ARMH3: variants seen among roughly 807,000 people sequenced by gnomAD.
ARMH3 encodes armadillo-like helical domain-containing protein 3.
In ARMH3, 60 loss-of-function variants were observed where a neutral mutation model predicts 99.1. That is an observed-to-expected ratio of 0.61 (90% confidence interval 0.49 to 0.75). The LOEUF (loss-of-function observed/expected upper bound fraction) is 0.75, where lower values mean the gene tolerates loss of function less well. ARMH3 is among the 30% of genes least tolerant of loss of function. The pLI, the probability that ARMH3 is intolerant of heterozygous loss-of-function variation, is 0.00. For missense variants in ARMH3, 679 were observed against 843.1 expected, an observed-to-expected ratio of 0.81 and a Z score of 2.41; for synonymous variants, 285 against 292.8, an observed-to-expected ratio of 0.97 and a Z score of 0.27.
intron 11 of ARMH3, among the ~76,000 whole-genome samples, chr10:102,010,250 G>A (rs564116178): frequency 6.6e-6 from 1 of 152,150 alleles, no homozygotes; most frequent in Middle Eastern, 3.2e-3. Flanking sequence ...ATCTTGCCTA[G>A]TAAATCATCT....
intron 23 of ARMH3, among the ~76,000 whole-genome samples, chr10:101,906,675 T>A (rs927090778): frequency 2.0e-5 from 3 of 152,120 alleles, no homozygotes; most frequent in African/African-American, 7.2e-5. Context: ...ATTGGGAAGG[T>A]AAACATAGGA....
intron 4 of ARMH3, among the ~76,000 whole-genome samples, chr10:102,032,537 A>G (rs1290486778): frequency 6.6e-6 from 1 of 152,022 alleles, no homozygotes; most frequent in Non-Finnish European, 1.5e-5. Flanking sequence ...AGTAGATGGG[A>G]TTACAGGTGC....
At chr10:101,986,539 A>AT (rs1218793629) in intron 19 of ARMH3, among the ~76,000 whole-genome samples, 1 of 151,740 alleles carries the variant, frequency 6.6e-6, no homozygotes, top group African/African-American at 2.4e-5. Flanking sequence ...TCTGACCCAG[A>AT]TTCTGGCTTT....
intron 19 of ARMH3, among the ~76,000 whole-genome samples, chr10:101,981,812 A>AT (rs1437036495): frequency 4.6e-5 from 7 of 151,370 alleles, no homozygotes; most frequent in African/African-American, 1.7e-4. Flanking sequence ...AGGTCAGGAG[A>AT]TTGAGACCAT....
intron 19 of ARMH3, among the ~76,000 whole-genome samples, chr10:101,976,931 G>A (rs895861293): frequency 6.6e-6 from 1 of 152,072 alleles, no homozygotes; most frequent in Admixed American, 6.5e-5. Context: ...GGGATTACAG[G>A]CACGAGCCAC....
chr10:102,016,184 AT>A (rs942793293), intron 8 of ARMH3, among the ~76,000 whole-genome samples: 11 of 151,724 alleles, frequency 7.3e-5, no homozygotes, highest in Non-Finnish European at 4.4e-5. Context: ...AGGATTTTGG[AT>A]TTTTTTTTAA....
chr10:101,876,283 T>C (rs1201052646), intron 24 of ARMH3, among the ~76,000 whole-genome samples: 1 of 150,448 alleles, frequency 6.6e-6, no homozygotes, highest in East Asian at 1.9e-4. Context: ...TTATTTTCTA[T>C]GGCTTGTTGC....
At position 101,975,277 on chromosome 10, in the gene ARMH3, T is replaced by C; in HGVS notation, c.1430A>G (p.Lys477Arg). The C allele has an allele frequency of 6.2e-7, 1 of 1,612,620 alleles. No homozygotes were observed. Among genetic ancestry groups the C allele is most frequent in the Non-Finnish European group, 8.5e-7 (1 of 1,179,086 alleles). The change falls in exon 20 of 26, where the codon AAA becomes AGA. Residue 477 changes from lysine (K) to arginine (R), a missense_variant. Around this residue, in one of 3 missense-constraint regions of ARMH3, gnomAD observed 389 missense variants for 456.5 expected, o/e 0.85. Transcript: ENST00000370033. The stretch of plus-strand genomic sequence containing the variant: ...ACACTTCTTCTGGTAGCAGAGCAGT[T>C]TGTGTACTACCTGGATGCAGCGTCT... The part of the protein sequence containing the change: ...LYIRCIQVVH[K>R]LLCYQKKCRV...
At chr10:101,871,377 T>C (rs1221022475) in intron 24 of ARMH3, among the ~76,000 whole-genome samples, 1 of 151,798 alleles carries the variant, frequency 6.6e-6, no homozygotes, top group Non-Finnish European at 1.5e-5. Context: ...CAAAAACATT[T>C]AAAAAAAACA....
At chr10:101,949,280 A>G (rs1245829056) in intron 22 of ARMH3, among the ~76,000 whole-genome samples, 1 of 152,022 alleles carries the variant, frequency 6.6e-6, no homozygotes, top group Non-Finnish European at 1.5e-5. Context: ...AAAAAAATCA[A>G]TGAAACCAAA....
intron 24 of ARMH3, 70 bp from the exon 25 acceptor site, chr10:101,849,962 G>C: frequency 2.1e-6 from 3 of 1,398,360 alleles, no homozygotes; most frequent in Non-Finnish European, 3.0e-6. Flanking sequence ...CCATTCTGCT[G>C]ATCTACTGGG....
At chr10:102,015,887 G>C in intron 8 of ARMH3, among the ~76,000 whole-genome samples, 1 of 152,136 alleles carries the variant, frequency 6.6e-6, no homozygotes, top group Non-Finnish European at 1.5e-5. Context: ...TAATCCTAAC[G>C]CTTTGGTAGG....
chr10:102,024,776 G>A (rs992771557), intron 6 of ARMH3, among the ~76,000 whole-genome samples: 23 of 150,036 alleles, frequency 1.5e-4, no homozygotes, highest in Non-Finnish European at 2.9e-4. Flanking sequence ...CCGAGATCAC[G>A]CCATTGCACT....
chr10:102,051,136 C>T (rs1269720413), intron 1 of ARMH3, among the ~76,000 whole-genome samples: 8 of 136,332 alleles, frequency 5.9e-5, no homozygotes, highest in Admixed American at 2.4e-4. Flanking sequence ...CCCTGCTGGG[C>T]GACAGAGCAA....
chr10:101,972,685 C>T (rs1845821704), intron 20 of ARMH3, among the ~76,000 whole-genome samples: 1 of 152,220 alleles, frequency 6.6e-6, no homozygotes, highest in African/African-American at 2.4e-5. Flanking sequence ...TGCTGCTCTG[C>T]ATCTCACTGT....
At chr10:102,035,944 C>A (rs557598234) in intron 2 of ARMH3, among the ~76,000 whole-genome samples, 5 of 151,910 alleles carry the variant, frequency 3.3e-5, no homozygotes, top group Admixed American at 6.6e-5. Flanking sequence ...GCGGCCATCC[C>A]GTCTAGGAAG....
At chr10:101,875,172 T>C (rs1005169996) in intron 24 of ARMH3, among the ~76,000 whole-genome samples, 5 of 152,024 alleles carry the variant, frequency 3.3e-5, no homozygotes, top group Non-Finnish European at 7.4e-5. Flanking sequence ...CCTGAGAGCT[T>C]CCTTTGGAGG....
Position 102,006,648 on chromosome 10 carries a change from C to G in ARMH3, c.955-15G>C. ...TCTGGATGGCTCTGAAAAAGATACA[C>G]AGATGTGTAAGAAAACAGAAAATCC... On this transcript the variant is annotated splice_polypyrimidine_tract_variant and intron_variant, in intron 13 of 25. Coordinates refer to ENST00000370033, the MANE Select transcript of ARMH3 (RefSeq NM_024541.3). 1 of 1,610,050 alleles carries G rather than the reference C, an allele frequency of 6.2e-7. No individual in the cohort carries two copies. Among genetic ancestry groups the G allele is most frequent in the South Asian group, 1.1e-5 (1 of 90,982 alleles).
At chr10:101,888,295 G>A (rs2067601840) in intron 24 of ARMH3, among the ~76,000 whole-genome samples, 1 of 152,014 alleles carries the variant, frequency 6.6e-6, no homozygotes, top group African/African-American at 2.4e-5. Context: ...CAGGCAGAGA[G>A]GAAAAAAGGA....
Sources: gnomAD v4.1 joint callset for allele counts (sites outside exome capture counted in the v4.1 genomes callset) on GRCh38, gnomAD v4.1.1 for gene constraint, gnomAD v4.1.1 regional missense constraint, MANE v1.5 for transcripts, NCBI Gene and HGNC (gene_info 2026-07-23, HGNC 2026-07-21) for gene names.